The following DCDC1 variants were observed in gnomAD, a reference collection of about 807,000 sequenced individuals.
DCDC1 encodes doublecortin domain containing 1.
DCDC1 carries 200 observed loss-of-function variants against 178.3 expected under a neutral mutation model. The ratio of observed to expected loss-of-function variants is 1.12; its 90% CI spans 1.00 to 1.26. The LOEUF (loss-of-function observed/expected upper bound fraction) is 1.26, where lower values mean the gene tolerates loss of function less well. DCDC1 is among the 50% of genes most tolerant of loss of function. The pLI is 0.00. For missense variants in DCDC1, 1,983 were observed against 1,749.2 expected, an observed-to-expected ratio of 1.13 and a Z score of -2.38; for synonymous variants, 690 against 604.8, an observed-to-expected ratio of 1.14 and a Z score of -2.07.
chr11:31,220,584 T>C (rs971623192), intron 9 of DCDC1, among the ~76,000 whole-genome samples: 1 of 152,228 alleles, frequency 6.6e-6, no homozygotes, highest in Non-Finnish European at 1.5e-5. Flanking sequence ...AGATGCATTA[T>C]GTTATATTTA....
intron 23 of DCDC1, among the ~76,000 whole-genome samples, chr11:30,923,912 C>T (rs1213963298): frequency 6.6e-6 from 1 of 152,118 alleles, no homozygotes; most frequent in Admixed American, 6.6e-5. Context: ...CCACTGCACC[C>T]AGGCAAAAAT....
intron 9 of DCDC1, among the ~76,000 whole-genome samples, chr11:31,220,055 T>C (rs900172979): frequency 3.9e-5 from 6 of 152,300 alleles, no homozygotes; most frequent in Non-Finnish European, 8.8e-5. Context: ...GCCATGAATT[T>C]CATGTGAACA....
At chr11:31,128,830 C>A (rs1266787582) in intron 10 of DCDC1, among the ~76,000 whole-genome samples, 1 of 152,100 alleles carries the variant, frequency 6.6e-6, no homozygotes, top group Non-Finnish European at 1.5e-5. Flanking sequence ...TATAGTGTTT[C>A]CTTTTTGAAA....
At chr11:31,096,484 C>T (rs565936412) in intron 15 of DCDC1, among the ~76,000 whole-genome samples, 26 of 152,178 alleles carry the variant, frequency 1.7e-4, no homozygotes, top group Non-Finnish European at 3.2e-4. Context: ...CTGCTGCCAG[C>T]GCCTATATTC....
At chr11:30,885,172 G>C (rs571609119) in intron 36 of DCDC1, among the ~76,000 whole-genome samples, 18 of 151,626 alleles carry the variant, frequency 1.2e-4, no homozygotes, top group Non-Finnish European at 2.4e-4. Flanking sequence ...AGTGAATAGA[G>C]CTGAGATAAT....
intron 9 of DCDC1, among the ~76,000 whole-genome samples, chr11:31,168,264 G>C (rs1444500225): frequency 6.6e-6 from 1 of 152,050 alleles, no homozygotes; most frequent in Non-Finnish European, 1.5e-5. Context: ...TTGTCAAGCT[G>C]TTCAACTGTA....
intron 9 of DCDC1, among the ~76,000 whole-genome samples, chr11:31,170,251 A>T (rs955809015): frequency 6.6e-6 from 1 of 152,116 alleles, no homozygotes; most frequent in Non-Finnish European, 1.5e-5. Flanking sequence ...GTGTATGCTG[A>T]TGTCATTCTG....
intron 9 of DCDC1, among the ~76,000 whole-genome samples, chr11:31,221,111 T>C (rs1974212275): frequency 6.6e-6 from 1 of 152,204 alleles, no homozygotes; most frequent in African/African-American, 2.4e-5. Context: ...ATGTGGAATA[T>C]TAATTCATGT....
chr11:31,249,101 A>G (rs996873563), intron 8 of DCDC1, among the ~76,000 whole-genome samples: 2 of 152,138 alleles, frequency 1.3e-5, no homozygotes, highest in Non-Finnish European at 2.9e-5. Context: ...AAACTTAAGG[A>G]TTTTCTAAAA....
At chr11:31,017,795 G>T (rs1034560024) in intron 20 of DCDC1, among the ~76,000 whole-genome samples, 16 of 152,122 alleles carry the variant, frequency 1.1e-4, no homozygotes, top group African/African-American at 2.9e-4. Context: ...TACTTACTAT[G>T]TTGCCCAGGC....
At chr11:30,903,149 C>T (rs770457838) in intron 32 of DCDC1, among the ~76,000 whole-genome samples, 6 of 151,866 alleles carry the variant, frequency 4.0e-5, no homozygotes, top group Non-Finnish European at 5.9e-5. Context: ...AAGAACAAAA[C>T]CAGTCTGTTC....
At chr11:30,917,058 TAAG>T in intron 25 of DCDC1, 30 bp from the exon 26 acceptor site, 1 of 1,562,904 alleles carries the variant, frequency 6.4e-7, no homozygotes, top group Non-Finnish European at 8.6e-7. Flanking sequence ...AACATAAGTC[TAAG>T]AAATCTCATT....
At chr11:30,951,310 T>C (rs181679073) in intron 21 of DCDC1, among the ~76,000 whole-genome samples, 4 of 152,132 alleles carry the variant, frequency 2.6e-5, no homozygotes, top group Admixed American at 2.6e-4. Context: ...ATAACAACAA[T>C]GGAAAGTAGA....
At chr11:30,954,948 T>A (rs983800747) in intron 20 of DCDC1, among the ~76,000 whole-genome samples, 4 of 152,204 alleles carry the variant, frequency 2.6e-5, no homozygotes, top group Non-Finnish European at 5.9e-5. Context: ...CAACCCAAAT[T>A]GAAGTCTAAA....
At chr11:30,939,564 T>TA (rs1303023619) in intron 21 of DCDC1, among the ~76,000 whole-genome samples, 5 of 152,202 alleles carry the variant, frequency 3.3e-5, no homozygotes, top group Admixed American at 1.3e-4. Context: ...ACTATGGGGT[T>TA]AAAATCTTCC....
At chr11:31,237,297 T>C (rs1470467488) in intron 9 of DCDC1, among the ~76,000 whole-genome samples, 1 of 151,854 alleles carries the variant, frequency 6.6e-6, no homozygotes, top group Non-Finnish European at 1.5e-5. Flanking sequence ...AAAAACAATA[T>C]ATACTCAAGC....
intron 35 of DCDC1, 24 bp from the exon 36 acceptor site, chr11:30,893,021 G>T (rs550850566): frequency 6.2e-7 from 1 of 1,611,962 alleles, no homozygotes; most frequent in East Asian, 2.2e-5. Context: ...CCCAGAGAAT[G>T]TTGTGTTTAG....
intron 8 of DCDC1, among the ~76,000 whole-genome samples, chr11:31,261,985 G>A (rs1783843472): frequency 1.4e-5 from 2 of 146,484 alleles, no homozygotes; most frequent in South Asian, 4.4e-4. Flanking sequence ...AAAAAAAAAA[G>A]CCAGGCTGGT....
At chr11:31,197,926 C>T (rs1970871034) in intron 9 of DCDC1, among the ~76,000 whole-genome samples, 2 of 151,966 alleles carry the variant, frequency 1.3e-5, no homozygotes, top group South Asian at 4.1e-4. Context: ...TTCATCACCT[C>T]TAATATGGAA....
Sources: allele counts gnomAD v4.1 joint callset (sites outside exome capture counted in the v4.1 genomes callset), GRCh38; gene constraint gnomAD v4.1.1; transcripts MANE v1.5; gene names NCBI Gene and HGNC (gene_info 2026-07-23, HGNC 2026-07-21).